Variants in CDYL observed in about 807,000 individuals in gnomAD.
The protein encoded by CDYL is chromodomain Y-like protein.
A neutral mutation model predicts 47.3 loss-of-function variants in CDYL; 8 were observed. The observed-to-expected ratio is 0.17, with a 90% confidence interval of 0.10 to 0.31. CDYL has a LOEUF of 0.31. Ranked by LOEUF, CDYL falls within the 10% of genes least tolerant of loss-of-function variation. The pLI is 1.00. For synonymous variants in CDYL, 266 were observed against 265.0 expected (o/e 1.00, Z -0.04); for missense variants, 471 against 701.4 (o/e 0.67, Z 3.71).
Position 4,744,841 on chromosome 6 carries a change from T to G in CDYL, c.186+9997T>G, listed in dbSNP as rs528754571. Reference sequence around the variant, plus strand: ...TGGTAAATTGTTTGTAAAGTAGATTTGAGCTTTTTTTTTTCTTCAAAGAAA... The same window carrying G: ...TGGTAAATTGTTTGTAAAGTAGATTGGAGCTTTTTTTTTTCTTCAAAGAAA... On this transcript the variant is annotated intron_variant, in intron 3 of 8. Transcript: ENST00000328908. Among the ~76,000 whole-genome samples the G allele has an allele frequency of 2.0e-5, 3 of 152,320 alleles. No homozygotes were observed. The East Asian group carries it at 5.8e-4, about 29-fold the overall frequency.
intron 5 of CDYL, among the ~76,000 whole-genome samples, chr6:4,947,860 G>A (rs1301476616): frequency 6.6e-6 from 1 of 152,210 alleles, no homozygotes; most frequent in Non-Finnish European, 1.5e-5. Context: ...TGGCCGTGGG[G>A]TTGGCGGCCC....
intron 2 of CDYL, among the ~76,000 whole-genome samples, chr6:4,719,773 A>G (rs1356653706): frequency 1.3e-5 from 2 of 152,152 alleles, no homozygotes; most frequent in Non-Finnish European, 2.9e-5. Context: ...TTGATCTTTA[A>G]TGAGTACCAT....
intron 3 of CDYL, among the ~76,000 whole-genome samples, chr6:4,757,803 G>C (rs1366386733): frequency 6.6e-6 from 1 of 152,150 alleles, no homozygotes; most frequent in Non-Finnish European, 1.5e-5. Context: ...GTGGGAGGCC[G>C]AGGCAGGAGG....
At chr6:4,910,657 G>A (rs1486758849) in intron 2 of CDYL, among the ~76,000 whole-genome samples, 1 of 152,202 alleles carries the variant, frequency 6.6e-6, no homozygotes, top group African/African-American at 2.4e-5. Flanking sequence ...GAGCATGTCT[G>A]GTTGAGGTCT....
intron 1 of CDYL, chr6:4,714,301 G>A (rs1284775188): frequency 6.6e-6 from 1 of 152,174 alleles, no homozygotes; most frequent in South Asian, 2.1e-4. Flanking sequence ...AGGAAGATAA[G>A]AGACAACATC....
At chr6:4,756,592 G>C (rs970464768) in intron 3 of CDYL, among the ~76,000 whole-genome samples, 8 of 151,844 alleles carry the variant, frequency 5.3e-5, no homozygotes, top group African/African-American at 1.9e-4. Flanking sequence ...GTGTGTGTGT[G>C]TGTGTGTGTG....
chr6:4,915,334 A>G (rs1484084186), intron 2 of CDYL, among the ~76,000 whole-genome samples: 1 of 152,176 alleles, frequency 6.6e-6, no homozygotes, highest in Non-Finnish European at 1.5e-5. Context: ...CCCTGATATT[A>G]GGGTTGTTTT....
chr6:4,828,735 T>G (rs1760052120), intron 1 of CDYL, among the ~76,000 whole-genome samples: 1 of 152,204 alleles, frequency 6.6e-6, no homozygotes. Context: ...AAGTCTTCCA[T>G]AATTTATTTG....
At chr6:4,813,467 T>A (rs1425948403) in intron 1 of CDYL, among the ~76,000 whole-genome samples, 1 of 152,244 alleles carries the variant, frequency 6.6e-6, no homozygotes, top group Non-Finnish European at 1.5e-5. Flanking sequence ...ATGATGGTAG[T>A]GACAGATTTT....
chr6:4,912,159 G>C (rs1025887348), intron 2 of CDYL, among the ~76,000 whole-genome samples: 12 of 152,238 alleles, frequency 7.9e-5, no homozygotes, highest in Admixed American at 1.3e-4. Context: ...ATGATCCCTG[G>C]TGGGAGTGGC....
chr6:4,938,912 G>A (rs915818971), intron 4 of CDYL, among the ~76,000 whole-genome samples: 3 of 152,090 alleles, frequency 2.0e-5, no homozygotes, highest in Admixed American at 6.5e-5. Flanking sequence ...ATCACTCCAT[G>A]TATAATTAGA....
At chr6:4,898,146 C>G (rs974456149) in intron 2 of CDYL, among the ~76,000 whole-genome samples, 2 of 152,134 alleles carry the variant, frequency 1.3e-5, no homozygotes, top group Middle Eastern at 3.4e-3. Flanking sequence ...TGCTTGAGCC[C>G]AGTAAATCAA....
chr6:4,942,510 C>A (rs1347111802), intron 4 of CDYL, among the ~76,000 whole-genome samples: 1 of 152,198 alleles, frequency 6.6e-6, no homozygotes, highest in Non-Finnish European at 1.5e-5. Context: ...TAGAATCCAG[C>A]AAGTGAAAAG....
At chr6:4,922,470 G>A (rs1233281881) in intron 2 of CDYL, among the ~76,000 whole-genome samples, 1 of 152,176 alleles carries the variant, frequency 6.6e-6, no homozygotes, top group Non-Finnish European at 1.5e-5. Context: ...AATACAAGCA[G>A]TACAAGAACC....
intron 2 of CDYL, among the ~76,000 whole-genome samples, chr6:4,906,149 C>T (rs555762284): frequency 1.1e-4 from 16 of 152,196 alleles, no homozygotes; most frequent in Non-Finnish European, 2.2e-4. Context: ...CTCCCATGGG[C>T]GGATGATATG....
intron 2 of CDYL, chr6:4,724,561 T>A (rs892111253): frequency 6.6e-6 from 1 of 152,322 alleles, no homozygotes; most frequent in African/African-American, 2.4e-5. Flanking sequence ...AAAGGCAGCG[T>A]GTCCGGAGTT....
intron 2 of CDYL, among the ~76,000 whole-genome samples, chr6:4,928,479 G>A (rs1383244878): frequency 6.6e-6 from 1 of 152,138 alleles, no homozygotes; most frequent in Non-Finnish European, 1.5e-5. Context: ...CTTGAACTAA[G>A]CTATCTCACA....
intron 1 of CDYL, among the ~76,000 whole-genome samples, chr6:4,855,567 C>T (rs974872111): frequency 5.3e-5 from 8 of 151,916 alleles, no homozygotes; most frequent in African/African-American, 1.9e-4. Flanking sequence ...CGATTTTTCA[C>T]ACAGTTTTTT....
chr6:4,716,398 G>A (rs750796980), intron 2 of CDYL, among the ~76,000 whole-genome samples: 1 of 151,820 alleles, frequency 6.6e-6, no homozygotes, highest in Non-Finnish European at 1.5e-5. Context: ...TCTCCTATCT[G>A]GCTTCCCTAA....
Sources: allele counts gnomAD v4.1 joint callset (sites outside exome capture counted in the v4.1 genomes callset), GRCh38; gene constraint gnomAD v4.1.1; transcripts MANE v1.5; gene names NCBI Gene and HGNC (gene_info 2026-07-23, HGNC 2026-07-21).